The following VSTM5 variants were observed in gnomAD, a reference collection of about 807,000 sequenced individuals.
VSTM5 encodes V-set and transmembrane domain containing 5, also known as V-set and transmembrane domain-containing protein 5.
In VSTM5, 21 loss-of-function variants were observed where a neutral mutation model predicts 20.3. That is an observed-to-expected ratio of 1.03 (90% CI 0.73 to 1.49). The LOEUF is 1.49. VSTM5 is among the 40% of genes most tolerant of loss of function. VSTM5 has a pLI of 0.00. For missense variants in VSTM5, 219 were observed against 250.0 expected, an observed-to-expected ratio of 0.88 and a Z score of 0.84; for synonymous variants, 100 against 102.5, an observed-to-expected ratio of 0.98 and a Z score of 0.14.
chr11:93,828,923 G>T (rs906174102), intron 1 of VSTM5, among the ~76,000 whole-genome samples: 1 of 152,168 alleles, frequency 6.6e-6, no homozygotes, highest in Non-Finnish European at 1.5e-5. Flanking sequence ...CCTGATGTGG[G>T]CAGGACACAC....
intron 1 of VSTM5, among the ~76,000 whole-genome samples, chr11:93,849,905 C>T (rs1411822629): frequency 6.6e-6 from 1 of 152,218 alleles, no homozygotes; most frequent in East Asian, 1.9e-4. Context: ...GTTTTTCTCA[C>T]GGGAGCAGGC....
At chr11:93,846,757 T>A (rs986011737) in intron 1 of VSTM5, among the ~76,000 whole-genome samples, 6 of 101,308 alleles carry the variant, frequency 5.9e-5, no homozygotes, top group Non-Finnish European at 8.8e-5. Flanking sequence ...TTTTAAAAAA[T>A]TTTTTTTAAT....
At chr11:93,838,263 A>G (rs1376965419) in intron 1 of VSTM5, among the ~76,000 whole-genome samples, 1 of 152,124 alleles carries the variant, frequency 6.6e-6, no homozygotes, top group Non-Finnish European at 1.5e-5. Flanking sequence ...ACTTGAGTCC[A>G]GAAGTTCGAG....
rs927551847 is a variant in VSTM5 at position 93,819,626 on chromosome 11, A to T, written c.*943T>A. Reference sequence around the variant, plus strand: ...CCAAGCGTTCCTCAGCCCAGGTAGGAGAGGGCAAGGGCCTGACTTGAGACG... The same window carrying T: ...CCAAGCGTTCCTCAGCCCAGGTAGGTGAGGGCAAGGGCCTGACTTGAGACG... On this transcript the variant is annotated 3_prime_UTR_variant, in exon 4 of 4. Transcript: ENST00000409977. 1 of 152,336 alleles carries T rather than the reference A, an allele frequency of 6.6e-6. No individual in the cohort carries two copies. The highest frequency in any genetic ancestry group is 1.5e-5 in the Non-Finnish European group (1 of 68,150). The allele number at this position is 152,336 out of a possible 1,614,324, so 9.4% of individuals were successfully genotyped here.
At chr11:93,829,969 G>A (rs1267748946) in intron 1 of VSTM5, among the ~76,000 whole-genome samples, 6 of 152,232 alleles carry the variant, frequency 3.9e-5, no homozygotes, top group African/African-American at 1.4e-4. Context: ...CTCATTTAAG[G>A]TGGGGCATAA....
chr11:93,827,215 C>T (rs1030054441), intron 1 of VSTM5, among the ~76,000 whole-genome samples: 2 of 152,086 alleles, frequency 1.3e-5, no homozygotes, highest in African/African-American at 4.8e-5. Context: ...GAAACCCCAT[C>T]TCTACTAAAA....
Position 93,819,382 on chromosome 11 carries a change from G to C in VSTM5, c.*1187C>G, listed in dbSNP as rs1236674888. On this transcript the variant is annotated 3_prime_UTR_variant, in exon 4 of 4. Coordinates refer to ENST00000409977, the MANE Select transcript of VSTM5 (RefSeq NM_001144871.2). The stretch of plus-strand genomic sequence containing the variant: ...AGGTGAACATGGTGACCAACAACCT[G>C]AGGGAATAATGGCCAAGGCCAGCTG... 1 of 152,242 alleles carries C rather than the reference G, an allele frequency of 6.6e-6. No individual in the cohort carries two copies. Among genetic ancestry groups the C allele is most frequent in the Admixed American group, 6.5e-5 (1 of 15,290 alleles). The allele number at this position is 152,242 out of a possible 1,614,324, so 9.4% of individuals were successfully genotyped here.
chr11:93,826,226 C>A (rs1299819522), intron 1 of VSTM5, among the ~76,000 whole-genome samples: 1 of 151,562 alleles, frequency 6.6e-6, no homozygotes, highest in Non-Finnish European at 1.5e-5. Context: ...GGCAACAGAG[C>A]CAGATCCTGT....
At chr11:93,844,942 C>T (rs1944402401) in intron 1 of VSTM5, among the ~76,000 whole-genome samples, 1 of 88,140 alleles carries the variant, frequency 1.1e-5, no homozygotes, top group African/African-American at 4.1e-5. Flanking sequence ...TGTCTTCTGC[C>T]CTCAGCCTTG....
At chr11:93,846,850 T>C (rs1003549690) in intron 1 of VSTM5, among the ~76,000 whole-genome samples, 8 of 149,760 alleles carry the variant, frequency 5.3e-5, no homozygotes, top group Admixed American at 4.7e-4. Flanking sequence ...CACTGCAACC[T>C]CTGCCTCCCG....
chr11:93,825,800 A>C (rs1944229025), intron 1 of VSTM5, among the ~76,000 whole-genome samples: 2 of 147,296 alleles, frequency 1.4e-5, no homozygotes, highest in Non-Finnish European at 3.0e-5. Context: ...ATACAGTCTC[A>C]CTTTATCACC....
intron 1 of VSTM5, among the ~76,000 whole-genome samples, chr11:93,831,100 C>T (rs1277312571): frequency 6.6e-6 from 1 of 151,908 alleles, no homozygotes; most frequent in Non-Finnish European, 1.5e-5. Flanking sequence ...TGCTCTGTTG[C>T]CCAGGCTAGA....
chr11:93,831,266 C>T (rs114511695), intron 1 of VSTM5, among the ~76,000 whole-genome samples: 7,044 of 152,128 alleles, frequency 0.046, 502 homozygotes, highest in African/African-American at 0.16. Flanking sequence ...TGGGCTCAAG[C>T]GAACCTCCCA....
chr11:93,850,565 G>A lies in VSTM5; in HGVS notation c.-63C>T. ...GGCCGCACCGCGCTGCAGCTCCTAT[G>A]CAGCCTTCTCTCTTCCTCCGCCTCT... On this transcript the variant is annotated 5_prime_UTR_variant, in exon 1 of 4. Coordinates refer to ENST00000409977, the MANE Select transcript of VSTM5 (RefSeq NM_001144871.2). 1.6e-6 allele frequency: 2 copies of A among 1,237,040 alleles called. No individual in the cohort carries two copies. Among genetic ancestry groups the A allele is most frequent in the Non-Finnish European group, 2.2e-6 (2 of 906,404 alleles). The allele number at this position is 1,237,040 out of a possible 1,614,324, so 76.6% of individuals were successfully genotyped here.
Position 93,850,593 on chromosome 11 carries a change from C to T in VSTM5, c.-91G>A. On this transcript the variant is annotated 5_prime_UTR_variant, in exon 1 of 4. Coordinates refer to ENST00000409977, the MANE Select transcript of VSTM5 (RefSeq NM_001144871.2). ...GCCTTCTCTCTTCCTCCGCCTCTGGCTGCCGCAGGTTCTTTAGGGCCAGAT... is the reference window on the plus strand; with the variant it reads ...GCCTTCTCTCTTCCTCCGCCTCTGGTTGCCGCAGGTTCTTTAGGGCCAGAT... 1.4e-6 allele frequency: 1 copy of T among 717,302 alleles called. No individual in the cohort carries two copies. The allele number at this position is 717,302 out of a possible 1,614,324, so 44.4% of individuals were successfully genotyped here. A position where few individuals can be genotyped will look rare whatever the true frequency, so the allele number is the denominator to read the frequency against.
chr11:93,849,901 C>T (rs1307484481), intron 1 of VSTM5, among the ~76,000 whole-genome samples: 1 of 152,236 alleles, frequency 6.6e-6, no homozygotes. Context: ...AACCGTTTTT[C>T]TCACGGGAGC....
intron 1 of VSTM5, among the ~76,000 whole-genome samples, chr11:93,825,939 A>C (rs886145473): frequency 1.3e-5 from 2 of 151,942 alleles, no homozygotes; most frequent in African/African-American, 4.8e-5. Context: ...TTGATTTTAA[A>C]AAAAAAAGAA....
At chr11:93,846,955 C>G (rs1185579195) in intron 1 of VSTM5, among the ~76,000 whole-genome samples, 1 of 151,614 alleles carries the variant, frequency 6.6e-6, no homozygotes, top group Non-Finnish European at 1.5e-5. Context: ...TTAGTAGAGA[C>G]GGGGTTTCAC....
chr11:93,849,970 C>G (rs1944445084), intron 1 of VSTM5, among the ~76,000 whole-genome samples: 1 of 152,238 alleles, frequency 6.6e-6, no homozygotes, highest in South Asian at 2.1e-4. Flanking sequence ...TGGGAGATGA[C>G]CAGGAAGGCC....
Sources: allele counts gnomAD v4.1 joint callset (sites outside exome capture counted in the v4.1 genomes callset), GRCh38; gene constraint gnomAD v4.1.1; transcripts MANE v1.5; gene names NCBI Gene and HGNC (gene_info 2026-07-23, HGNC 2026-07-21).